Variants in GHR observed in about 807,000 individuals in gnomAD.
GHR encodes growth hormone receptor.
GHR carries 35 observed loss-of-function variants against 67.1 expected under a neutral mutation model. The observed-to-expected ratio is 0.52, with a 90% CI of 0.40 to 0.69. The LOEUF (loss-of-function observed/expected upper bound fraction) is 0.69, where lower values mean the gene tolerates loss of function less well. Ranked by LOEUF, GHR falls within the 30% of genes least tolerant of loss-of-function variation. The probability of loss-of-function intolerance (pLI) is 0.00; values close to 1 mark genes in which losing one functional copy is unlikely to be tolerated. For synonymous variants in GHR, 272 were observed against 269.1 expected, an observed-to-expected ratio of 1.01 and a Z score of -0.10; for missense variants, 792 against 764.6, an observed-to-expected ratio of 1.04 and a Z score of -0.42.
rs142528328 is a variant in GHR, at chr5:42,428,458, A to G, written c.-12+4503A>G. 3.2e-3 allele frequency among the ~76,000 whole-genome samples: 482 copies of G among 152,120 alleles called. 3 individuals are homozygous for G. The highest frequency in any genetic ancestry group is 0.011 in the African/African-American group (473 of 41,498). On this transcript the variant is annotated intron_variant, in intron 1 of 9. Coordinates refer to ENST00000230882, the MANE Select transcript of GHR (RefSeq NM_000163.5). ...GACATGTTCTGGAGACATTTTCCCT[A>G]TTGTCTTGGTGACCAACATTTGGCT... is the stretch of plus-strand genomic sequence containing the variant.
At chr5:42,517,672 T>A (rs1747297941) in intron 1 of GHR, among the ~76,000 whole-genome samples, 2 of 152,184 alleles carry the variant, frequency 1.3e-5, no homozygotes, top group Admixed American at 6.6e-5. Context: ...ACATCTGCAG[T>A]AAGTTTAAAA....
At chr5:42,499,443 G>A (rs142115718) in intron 1 of GHR, among the ~76,000 whole-genome samples, 1 of 152,228 alleles carries the variant, frequency 6.6e-6, no homozygotes, top group African/African-American at 2.4e-5. Flanking sequence ...GAAGAGTGAT[G>A]GTTTCCAAAA....
At chr5:42,486,967 T>G (rs1046376606) in intron 1 of GHR, among the ~76,000 whole-genome samples, 42 of 152,328 alleles carry the variant, frequency 2.8e-4, no homozygotes, top group African/African-American at 9.6e-4. Context: ...ACGAGATAGT[T>G]TCTCCAGGAA....
intron 3 of GHR, among the ~76,000 whole-genome samples, chr5:42,665,395 C>T (rs1243739648): frequency 6.6e-6 from 1 of 152,142 alleles, no homozygotes; most frequent in East Asian, 1.9e-4. Context: ...GGCACATATA[C>T]ACCACGGAAT....
Position 42,718,497 on chromosome 5 carries a change from T to C in GHR, c.990T>C (p.Asp330=). The C allele has an allele frequency of 1.2e-6, 2 of 1,612,354 alleles. No homozygotes were observed. Among genetic ancestry groups the C allele is most frequent in the Non-Finnish European group, 1.7e-6 (2 of 1,178,396 alleles). Residue 330 remains aspartate, a synonymous_variant, in exon 10 of 10, where the codon GAT becomes GAC. Transcript: ENST00000230882. ...EEVNTILAIH[D]SYKPEFHSDD... ...TGAACACAATCTTAGCCATTCATGA[T>C]AGCTATAAACCCGAATTCCACAGTG... is the stretch of plus-strand genomic sequence containing the variant.
chr5:42,662,127 C>G lies in GHR; in HGVS notation c.137-26763C>G, dbSNP rs570538704. Among the ~76,000 whole-genome samples, 46 of 152,194 alleles carry G rather than the reference C, an allele frequency of 3.0e-4. 1 individual carries two copies. The highest frequency in any genetic ancestry group is 1.7e-3 in the South Asian group (8 of 4,814). On this transcript the variant is annotated intron_variant, in intron 3 of 9. Coordinates refer to ENST00000230882, the MANE Select transcript of GHR (RefSeq NM_000163.5). ...AAGCAAGTCCTGAGTGACCTACAAA[C>G]AGACTTAGACTCCCACACAATAATA... is the stretch of plus-strand genomic sequence containing the variant.
intron 3 of GHR, among the ~76,000 whole-genome samples, chr5:42,660,569 A>G (rs1755536757): frequency 6.6e-6 from 1 of 152,134 alleles, no homozygotes; most frequent in South Asian, 2.1e-4. Flanking sequence ...TAGAAGGAAA[A>G]CTAACAAACA....
At position 42,721,839 on chromosome 5, in the gene GHR, C is replaced by T. The variant is rs1314753134; in HGVS notation, c.*2415C>T. The T allele has an allele frequency of 6.6e-6, 1 of 152,304 alleles. No homozygotes were observed. The highest frequency in any genetic ancestry group is 1.9e-4 in the East Asian group (1 of 5,202). The allele number at this position is 152,304 out of a possible 1,614,324, so 9.4% of individuals were successfully genotyped here. A position where few individuals can be genotyped will look rare whatever the true frequency, so the allele number is the denominator to read the frequency against. ...ATTTTCTTGGATTCCTGATAGTGTG[C>T]TTCTGTTATCAAACACCAACATAAA... is the stretch of plus-strand genomic sequence containing the variant. On this transcript the variant is annotated 3_prime_UTR_variant, in exon 10 of 10. Coordinates refer to ENST00000230882, the MANE Select transcript of GHR (RefSeq NM_000163.5).
rs182287749 is a variant in GHR, at chr5:42,522,578, C to A, written c.-11-43286C>A. ...TTTAAATACAAAGGAAAATCTTATA[C>A]CTCTGATTTTAATATGACAAATCAA... On this transcript the variant is annotated intron_variant, in intron 1 of 9. Transcript: ENST00000230882. Among the ~76,000 whole-genome samples the A allele has an allele frequency of 1.4e-4, 21 of 152,240 alleles. No homozygotes were observed. In the East Asian group the frequency reaches 3.7e-3, roughly 27 times the overall value.
At chr5:42,670,643 A>G (rs1423552837) in intron 3 of GHR, among the ~76,000 whole-genome samples, 1 of 151,838 alleles carries the variant, frequency 6.6e-6, no homozygotes, top group Admixed American at 6.6e-5. Flanking sequence ...TTAATATTCC[A>G]AAAGGTACAA....
chr5:42,647,603 A>G (rs1232494691), intron 3 of GHR: 2 of 419,900 alleles, frequency 4.8e-6, no homozygotes, highest in Non-Finnish European at 9.3e-6. Flanking sequence ...CAAGGGCCAA[A>G]GTAACAATGT....
intron 1 of GHR, among the ~76,000 whole-genome samples, chr5:42,525,887 A>G (rs1747686763): frequency 6.6e-6 from 1 of 152,180 alleles, no homozygotes; most frequent in Non-Finnish European, 1.5e-5. Flanking sequence ...GCCTCCTGCC[A>G]TGATTTGGAG....
At chr5:42,625,348 A>AT (rs986793849) in intron 2 of GHR, among the ~76,000 whole-genome samples, 1 of 152,072 alleles carries the variant, frequency 6.6e-6, no homozygotes, top group Non-Finnish European at 1.5e-5. Context: ...ATGTAAAAAA[A>AT]AAATTCATTT....
intron 8 of GHR, among the ~76,000 whole-genome samples, 197 bp from the exon 9 acceptor site, chr5:42,717,855 C>CT (rs201684716): frequency 1.5e-4 from 22 of 150,396 alleles, no homozygotes; most frequent in Non-Finnish European, 2.7e-4. Context: ...TTTAGTTGTT[C>CT]TTTTTTTTCC....
At chr5:42,651,843 T>TA (rs1561198213) in intron 3 of GHR, among the ~76,000 whole-genome samples, 2 of 152,150 alleles carry the variant, frequency 1.3e-5, no homozygotes, top group Admixed American at 6.6e-5. Flanking sequence ...CTCTTGGCTT[T>TA]AAAAAAATTA....
At position 42,626,790 on chromosome 5, in the gene GHR, C is replaced by T. The variant is rs529471465; in HGVS notation, c.71-2248C>T. ...TCAAATATGTATTTCACAATATCAC[C>T]AGTAGTTTCACTGGGAGGTAAAACT... is the stretch of plus-strand genomic sequence containing the variant. On this transcript the variant is annotated intron_variant, in intron 2 of 9. Transcript: ENST00000230882. 5.9e-5 allele frequency among the ~76,000 whole-genome samples: 9 copies of T among 152,252 alleles called. No homozygotes were observed. The South Asian group carries it at 1.7e-3, about 28-fold the overall frequency.
chr5:42,713,209 GT>G (rs201686024), intron 7 of GHR, among the ~76,000 whole-genome samples: 31 of 151,042 alleles, frequency 2.1e-4, no homozygotes, highest in Non-Finnish European at 3.5e-4. Flanking sequence ...TTATTTTGAA[GT>G]TTTTTTTTAA....
chr5:42,450,462 G>A (rs764790017), intron 1 of GHR, among the ~76,000 whole-genome samples: 31 of 151,992 alleles, frequency 2.0e-4, no homozygotes, highest in African/African-American at 5.5e-4. Context: ...CTGTGATATC[G>A]GTTGCAATAT....
At chr5:42,641,123 T>C (rs1191784370) in intron 3 of GHR, among the ~76,000 whole-genome samples, 1 of 152,148 alleles carries the variant, frequency 6.6e-6, no homozygotes, top group Non-Finnish European at 1.5e-5. Flanking sequence ...TTGTTTCCTT[T>C]CCTTCCTCCT....
Sources: gnomAD v4.1 joint callset for allele counts (sites outside exome capture counted in the v4.1 genomes callset) on GRCh38, gnomAD v4.1.1 for gene constraint, MANE v1.5 for transcripts, NCBI Gene and HGNC (gene_info 2026-07-23, HGNC 2026-07-21) for gene names.